The following TUBGCP5 variants were observed in gnomAD, a reference collection of about 807,000 sequenced individuals.
TUBGCP5 encodes the protein gamma-tubulin complex component 5.
Under a neutral mutation model 134.7 loss-of-function variants are expected in TUBGCP5, and 98 were observed. The ratio of observed to expected loss-of-function variants is 0.73; its 90% CI spans 0.62 to 0.86. TUBGCP5 has a LOEUF of 0.86. Among genes scored for constraint, TUBGCP5 ranks in the 40% least tolerant of loss-of-function variants. The pLI is 0.00. For missense variants in TUBGCP5, 1,150 were observed against 1,244.8 expected (o/e 0.92, Z 1.15); for synonymous variants, 456 against 431.4 (o/e 1.06, Z -0.71).
At chr15:23,038,210 G>A (rs1490446178) in intron 1 of TUBGCP5, among the ~76,000 whole-genome samples, 1 of 152,068 alleles carries the variant, frequency 6.6e-6, no homozygotes, top group Admixed American at 6.6e-5. Context: ...GTATCAAAGC[G>A]AGCAATCTGT....
intron 13 of TUBGCP5, among the ~76,000 whole-genome samples, chr15:23,016,066 G>A (rs568537753): frequency 2.0e-5 from 3 of 152,102 alleles, no homozygotes; most frequent in African/African-American, 7.2e-5. Context: ...AAGGAAACTC[G>A]GTGAGATACA....
chr15:23,019,305 T>C lies in TUBGCP5; in HGVS notation c.1401A>G (p.Glu467=), dbSNP rs750782334. The change falls in exon 12 of 23, where the codon GAA becomes GAG. Residue 467 remains glutamate (E), a synonymous_variant. Transcript: ENST00000615383. ...TVSLLFSLWV[E]TVRPYLQTVD... is the part of the protein sequence containing the mutation. ...CCGTCTGCAGGTAAGGCCGCACCGT[T>C]TCCACCCAGAGAGAGAAAAGGAGGG... 31 of 1,613,970 alleles carry C rather than the reference T, an allele frequency of 1.9e-5. No homozygotes were observed. The highest frequency in any genetic ancestry group is 2.6e-5 in the Non-Finnish European group (31 of 1,179,940).
chr15:23,008,547 C>T (rs745472211), intron 16 of TUBGCP5, 152 bp downstream of exon 16: 23 of 1,001,420 alleles, frequency 2.3e-5, no homozygotes, highest in South Asian at 1.8e-4. Context: ...TGTGAGCCAC[C>T]GTGCCTGGCC....
chr15:23,005,657 AAACC>A, intron 18 of TUBGCP5, 47 bp from the exon 19 acceptor site: 1 of 1,570,310 alleles, frequency 6.4e-7, no homozygotes, highest in Non-Finnish European at 8.7e-7. Context: ...GCATCAACTC[AAACC>A]CCACTGCACC....
chr15:23,023,715 T>G (rs1045030697), intron 10 of TUBGCP5: 1 of 381,240 alleles, frequency 2.6e-6, no homozygotes, highest in Non-Finnish European at 4.7e-6. Context: ...CTGGCTGGGG[T>G]ACTGGTGCAG....
At chr15:23,000,192 C>T in intron 22 of TUBGCP5, 1 of 1,023,502 alleles carries the variant, frequency 9.8e-7, no homozygotes, top group Non-Finnish European at 1.2e-6. Context: ...GAGGCATGAG[C>T]CACCGCGCCA....
At chr15:23,008,996 T>G (rs1429581697) in intron 15 of TUBGCP5, 115 bp from the exon 16 acceptor site, 1 of 763,628 alleles carries the variant, frequency 1.3e-6, no homozygotes, top group African/African-American at 1.8e-5. Context: ...CATTCTACAT[T>G]TACTAAAATT....
At chr15:23,022,856 T>C (rs2065780519) in intron 10 of TUBGCP5, among the ~76,000 whole-genome samples, 3 of 152,122 alleles carry the variant, frequency 2.0e-5, no homozygotes, top group Non-Finnish European at 2.9e-5. Flanking sequence ...AAATGAAATT[T>C]AAGGGGAAAA....
chr15:23,016,362 C>T (rs1386522279), intron 13 of TUBGCP5, among the ~76,000 whole-genome samples: 1 of 151,976 alleles, frequency 6.6e-6, no homozygotes, highest in Non-Finnish European at 1.5e-5. Flanking sequence ...GGTGTGGTGG[C>T]GGGTGCCTAT....
intron 1 of TUBGCP5, 37 bp from the exon 2 acceptor site, chr15:23,037,189 G>A: frequency 6.2e-7 from 1 of 1,601,088 alleles, no homozygotes; most frequent in Non-Finnish European, 8.5e-7. Flanking sequence ...TGCCAACTCT[G>A]TCACACAGGT....
intron 9 of TUBGCP5, chr15:23,024,424 G>T: frequency 2.0e-6 from 1 of 492,982 alleles, no homozygotes. Context: ...ACATACATAA[G>T]TAAATGTACT....
chr15:23,017,623 G>A (rs2065412218), intron 13 of TUBGCP5, 150 bp downstream of exon 13: 2 of 744,484 alleles, frequency 2.7e-6, no homozygotes, highest in East Asian at 2.8e-5. Context: ...GAGCAGCATG[G>A]TTACTAATTC....
Position 23,003,091 on chromosome 15 carries a change from A to G in TUBGCP5, c.2901T>C (p.Gly967=). 6.2e-7 allele frequency: 1 copy of G among 1,614,190 alleles called. No individual in the cohort carries two copies. The highest frequency in any genetic ancestry group is 1.1e-5 in the South Asian group (1 of 91,084). The change falls in exon 21 of 23, where the codon GGT becomes GGC. Residue 967 remains glycine, a synonymous_variant. Coordinates refer to ENST00000615383, the MANE Select transcript of TUBGCP5 (RefSeq NM_052903.6). ...VLNLALMFAD[G]WQAGLGTWRM... ...GCCAAGTGCCCAGGCCTGCCTGCCA[A>G]CCGTCTGCAAACATGAGAGCCAAGT...
At chr15:23,010,550 T>C (rs2064975051) in intron 14 of TUBGCP5, among the ~76,000 whole-genome samples, 1 of 152,128 alleles carries the variant, frequency 6.6e-6, no homozygotes, top group South Asian at 2.1e-4. Flanking sequence ...AATGATGACA[T>C]TTCCAGGGGC....
At chr15:23,020,123 AT>A (rs1193483915) in intron 11 of TUBGCP5, among the ~76,000 whole-genome samples, 1 of 151,872 alleles carries the variant, frequency 6.6e-6, no homozygotes, top group African/African-American at 2.4e-5. Flanking sequence ...TTAAAAAAAA[AT>A]ACAGCTGGGT....
At chr15:23,009,050 G>A (rs1323944671) in intron 15 of TUBGCP5, among the ~76,000 whole-genome samples, 169 bp from the exon 16 acceptor site, 1 of 151,968 alleles carries the variant, frequency 6.6e-6, no homozygotes, top group African/African-American at 2.4e-5. Flanking sequence ...AATAAAAACA[G>A]CATAGGTTTT....
At chr15:23,032,895 T>C in intron 3 of TUBGCP5, 71 bp from the exon 4 acceptor site, 1 of 1,171,642 alleles carries the variant, frequency 8.5e-7, no homozygotes, top group Non-Finnish European at 1.2e-6. Flanking sequence ...TGAGTAAAGA[T>C]AACTCCATGA....
chr15:22,986,143 A>AC (rs1242994193), intron 23 of TUBGCP5, among the ~76,000 whole-genome samples: 5 of 137,848 alleles, frequency 3.6e-5, no homozygotes, highest in African/African-American at 1.1e-4. Flanking sequence ...CAAAAAAAAA[A>AC]AAAAAATAAT....
At chr15:23,022,552 G>GC (rs1370727794) in intron 10 of TUBGCP5, among the ~76,000 whole-genome samples, 4 of 152,246 alleles carry the variant, frequency 2.6e-5, no homozygotes, top group African/African-American at 9.6e-5. Context: ...ACAAAGGGCT[G>GC]CACAAGCAAG....
Sources: allele counts gnomAD v4.1 joint callset (sites outside exome capture counted in the v4.1 genomes callset), GRCh38; gene constraint gnomAD v4.1.1; transcripts MANE v1.5; gene names NCBI Gene and HGNC (gene_info 2026-07-23, HGNC 2026-07-21).